PCDH15: variants seen among roughly 807,000 people sequenced by gnomAD.
PCDH15 encodes the protein protocadherin-15.
PCDH15 carries 129 observed loss-of-function variants against 178.5 expected under a neutral mutation model. The observed-to-expected ratio is 0.72, with a 90% confidence interval of 0.63 to 0.84. The LOEUF (loss-of-function observed/expected upper bound fraction) is 0.84. Ranked by LOEUF, PCDH15 falls within the 40% of genes least tolerant of loss-of-function variation. PCDH15 has a pLI of 0.00. For synonymous variants in PCDH15, 800 were observed against 732.0 expected (o/e 1.09, Z -1.50); for missense variants, 2,230 against 2,099.9 (o/e 1.06, Z -1.21).
intron 3 of PCDH15, among the ~76,000 whole-genome samples, chr10:54,849,206 G>A (rs764261616): frequency 1.3e-5 from 2 of 151,802 alleles, no homozygotes; most frequent in Non-Finnish European, 2.9e-5. Context: ...AAAAAACTAC[G>A]CTTTCTGAAT....
chr10:53,825,255 A>G (rs2076601897), intron 32 of PCDH15: 1 of 1,262,886 alleles, frequency 7.9e-7, no homozygotes, highest in Non-Finnish European at 1.0e-6. Flanking sequence ...TTAAACAAAC[A>G]CTTAGTACGT....
chr10:53,907,716 G>A (rs1020173989), intron 25 of PCDH15, among the ~76,000 whole-genome samples: 2 of 152,106 alleles, frequency 1.3e-5, no homozygotes, highest in Admixed American at 6.6e-5. Context: ...TTCTTGCAAT[G>A]TTTTAAAGAA....
chr10:54,946,366 G>A (rs763779331), intron 2 of PCDH15, among the ~76,000 whole-genome samples: 1 of 151,732 alleles, frequency 6.6e-6, no homozygotes, highest in South Asian at 2.1e-4. Flanking sequence ...GTCTCCTCAC[G>A]CCTTAACTGT....
chr10:54,636,660 T>C (rs769305987), intron 2 of PCDH15, among the ~76,000 whole-genome samples: 13 of 151,910 alleles, frequency 8.6e-5, no homozygotes, highest in Non-Finnish European at 1.9e-4. Flanking sequence ...AGAGCAGAAT[T>C]GAAAGAAGAA....
intron 26 of PCDH15, among the ~76,000 whole-genome samples, chr10:53,883,534 C>T (rs1328871281): frequency 6.6e-6 from 1 of 151,928 alleles, no homozygotes; most frequent in Non-Finnish European, 1.5e-5. Flanking sequence ...TTAAAAAACA[C>T]TGACCAAGAA....
At chr10:55,357,766 A>T (rs1845116526) in intron 2 of PCDH15, among the ~76,000 whole-genome samples, 2 of 152,032 alleles carry the variant, frequency 1.3e-5, no homozygotes, top group South Asian at 4.1e-4. Flanking sequence ...AAGAAAACAT[A>T]CTTTTGGTGG....
chr10:54,516,561 GA>G (rs1271802928), intron 3 of PCDH15, among the ~76,000 whole-genome samples: 2 of 152,154 alleles, frequency 1.3e-5, no homozygotes, highest in African/African-American at 4.8e-5. Context: ...GGGACTATGT[GA>G]AAAGACCAAA....
intron 3 of PCDH15, among the ~76,000 whole-genome samples, chr10:54,475,843 A>T (rs890752234): frequency 6.6e-6 from 1 of 151,124 alleles, no homozygotes; most frequent in Non-Finnish European, 1.5e-5. Context: ...CCATTTTTAC[A>T]TAAACTGTCA....
intron 1 of PCDH15, among the ~76,000 whole-genome samples, chr10:55,222,155 G>GTT (rs1840895482): frequency 6.6e-6 from 1 of 151,662 alleles, no homozygotes; most frequent in South Asian, 2.1e-4. Context: ...GATTACAGGT[G>GTT]TGAGCCACCG....
intron 2 of PCDH15, among the ~76,000 whole-genome samples, chr10:55,373,958 G>A (rs1845562318): frequency 1.3e-5 from 2 of 151,580 alleles, no homozygotes; most frequent in African/African-American, 2.4e-5. Context: ...GGGGGCTGGG[G>A]GAGGGACAGC....
At chr10:53,924,745 A>G (rs1225267048) in intron 25 of PCDH15, among the ~76,000 whole-genome samples, 1 of 152,216 alleles carries the variant, frequency 6.6e-6, no homozygotes, top group East Asian at 1.9e-4. Flanking sequence ...TGCACCAATC[A>G]ACACTCTGTA....
chr10:55,440,073 A>T (rs930817390), intron 2 of PCDH15, among the ~76,000 whole-genome samples: 2 of 152,202 alleles, frequency 1.3e-5, no homozygotes, highest in Admixed American at 1.3e-4. Context: ...TGACGCTGTT[A>T]TATAAAAGAC....
At chr10:55,281,060 A>C (rs901943835) in intron 1 of PCDH15, among the ~76,000 whole-genome samples, 5 of 152,214 alleles carry the variant, frequency 3.3e-5, no homozygotes, top group African/African-American at 1.2e-4. Context: ...ACAGTTTAGT[A>C]AAAGAATATC....
At chr10:54,429,008 C>T (rs1956637819) in intron 3 of PCDH15, among the ~76,000 whole-genome samples, 1 of 152,106 alleles carries the variant, frequency 6.6e-6, no homozygotes, top group African/African-American at 2.4e-5. Context: ...TAATACTAAG[C>T]ACACAGAAAA....
Position 54,440,308 on chromosome 10 carries a change from AAT to A in PCDH15, c.158-61368_158-61367del, listed in dbSNP as rs1227473967. Among the ~76,000 whole-genome samples, 3 of 152,102 alleles carry A rather than the reference AAT, an allele frequency of 2.0e-5. No homozygotes were observed. The East Asian group carries it at 5.8e-4, about 29-fold the overall frequency. ...CAGGTGGCTTTTGGGCAGAAGGTAA[AAT>A]AGTTTCAAAACTGGGTCAAGTTTTT... On this transcript the variant is annotated intron_variant, in intron 3 of 37. Transcript: ENST00000644397.
chr10:54,158,931 C>T (rs561562253), intron 13 of PCDH15, among the ~76,000 whole-genome samples: 1 of 151,938 alleles, frequency 6.6e-6, no homozygotes, highest in Non-Finnish European at 1.5e-5. Flanking sequence ...CACGGTGAAA[C>T]CCCATCTCTA....
intron 2 of PCDH15, among the ~76,000 whole-genome samples, chr10:55,416,462 G>A (rs975484081): frequency 6.6e-6 from 1 of 151,474 alleles, no homozygotes; most frequent in Non-Finnish European, 1.5e-5. Context: ...ATCACTTCTA[G>A]GATCCTCCTA....
chr10:54,318,924 C>CT (rs2061432258), intron 7 of PCDH15, among the ~76,000 whole-genome samples: 1 of 152,032 alleles, frequency 6.6e-6, no homozygotes, highest in African/African-American at 2.4e-5. Context: ...CCTTTCATTT[C>CT]TTTGGAAGGA....
At chr10:54,478,463 T>C (rs909146117) in intron 3 of PCDH15, among the ~76,000 whole-genome samples, 2 of 152,124 alleles carry the variant, frequency 1.3e-5, no homozygotes, top group Non-Finnish European at 2.9e-5. Context: ...GATAAAAAAG[T>C]TACTATGTAT....
Sources: allele counts gnomAD v4.1 joint callset (sites outside exome capture counted in the v4.1 genomes callset), GRCh38; gene constraint gnomAD v4.1.1; transcripts MANE v1.5; gene names NCBI Gene and HGNC (gene_info 2026-07-23, HGNC 2026-07-21).